Variants in RBFOX1 observed in about 807,000 individuals in gnomAD.
The protein encoded by RBFOX1 is RNA binding fox-1 homolog 1.
A neutral mutation model predicts 57.7 loss-of-function variants in RBFOX1; 8 were observed. The ratio of observed to expected loss-of-function variants is 0.14; its 90% CI spans 0.08 to 0.25. The LOEUF is 0.25. RBFOX1 is among the 10% of genes least tolerant of loss of function. RBFOX1 has a pLI of 1.00. For synonymous variants in RBFOX1, 326 were observed against 222.4 expected (o/e 1.47, Z -4.15); for missense variants, 611 against 548.5 (o/e 1.11, Z -1.14).
At chr16:5,912,616 C>T (rs965251847) in intron 4 of RBFOX1, among the ~76,000 whole-genome samples, 2 of 152,198 alleles carry the variant, frequency 1.3e-5, no homozygotes, top group African/African-American at 4.8e-5. Context: ...GGCAAAACAC[C>T]AGCCACAACC....
intron 3 of RBFOX1, among the ~76,000 whole-genome samples, chr16:6,800,478 G>A (rs1037453101): frequency 6.6e-6 from 1 of 152,054 alleles, no homozygotes; most frequent in African/African-American, 2.4e-5. Context: ...TCTCGGGTGG[G>A]GTCGGAGCAT....
chr16:6,454,667 A>T (rs561879267), intron 2 of RBFOX1, among the ~76,000 whole-genome samples: 5 of 152,106 alleles, frequency 3.3e-5, no homozygotes, highest in Non-Finnish European at 5.9e-5. Context: ...CTTCACCTAC[A>T]TGTGCATTCT....
chr16:6,188,909 G>T (rs1183730500), intron 1 of RBFOX1, among the ~76,000 whole-genome samples: 1 of 152,148 alleles, frequency 6.6e-6, no homozygotes, highest in Non-Finnish European at 1.5e-5. Flanking sequence ...TTTATTAAGA[G>T]ATCTGTAATA....
In RBFOX1 at chr16:7,095,287, A is replaced by G. The variant is rs1057229160; in HGVS notation, c.27+43189A>G. On this transcript the variant is annotated intron_variant, in intron 4 of 15. Transcript: ENST00000550418. ...CAAGTAGCTGAGATTACAGGCTGTC[A>G]CCACTGTGCCTGGTTCATTTTTGTA... is the stretch of plus-strand genomic sequence containing the variant. Among the ~76,000 whole-genome samples the G allele has an allele frequency of 1.1e-4, 16 of 151,874 alleles. 1 individual carries two copies. Among genetic ancestry groups the G allele is most frequent in the African/African-American group, 3.9e-4 (16 of 41,332 alleles).
chr16:5,268,540 C>T (rs1194272183), intron 1 of RBFOX1, among the ~76,000 whole-genome samples: 2 of 152,228 alleles, frequency 1.3e-5, no homozygotes, highest in Non-Finnish European at 2.9e-5. Context: ...TCACCAGGTC[C>T]AATCCACACT....
At chr16:5,551,676 G>A (rs979924554) in intron 2 of RBFOX1, among the ~76,000 whole-genome samples, 2 of 152,052 alleles carry the variant, frequency 1.3e-5, no homozygotes, top group Non-Finnish European at 2.9e-5. Flanking sequence ...TACACGTGCA[G>A]GTTTGTTACA....
At chr16:6,296,677 C>T (rs1028968457) in intron 1 of RBFOX1, among the ~76,000 whole-genome samples, 1 of 152,160 alleles carries the variant, frequency 6.6e-6, no homozygotes, top group African/African-American at 2.4e-5. Context: ...GCCTCGGCCT[C>T]CCAAAGTGCT....
chr16:7,134,961 AAGAG>A (rs1445585187), intron 4 of RBFOX1, among the ~76,000 whole-genome samples: 5 of 151,722 alleles, frequency 3.3e-5, no homozygotes, highest in East Asian at 1.9e-4. Context: ...GCCGCGTTCC[AAGAG>A]AGAGAGATGA....
intron 2 of RBFOX1, among the ~76,000 whole-genome samples, chr16:6,514,086 G>C (rs2153786837): frequency 6.6e-6 from 1 of 152,314 alleles, no homozygotes; most frequent in Middle Eastern, 3.4e-3. Flanking sequence ...TGGTCGTCAA[G>C]AATGAGCTTC....
intron 3 of RBFOX1, among the ~76,000 whole-genome samples, chr16:6,948,930 C>T (rs1349003207): frequency 1.3e-5 from 2 of 152,076 alleles, no homozygotes; most frequent in Admixed American, 6.6e-5. Flanking sequence ...GTGGGTTATA[C>T]CATCCTACGT....
At chr16:6,119,795 T>C (rs886634277) in intron 1 of RBFOX1, among the ~76,000 whole-genome samples, 3 of 152,320 alleles carry the variant, frequency 2.0e-5, no homozygotes, top group East Asian at 3.9e-4. Flanking sequence ...TCTCCATGTC[T>C]GGCCCCATTA....
chr16:7,480,011 G>C (rs1257665120), intron 4 of RBFOX1, among the ~76,000 whole-genome samples: 2 of 152,172 alleles, frequency 1.3e-5, no homozygotes, highest in Non-Finnish European at 2.9e-5. Flanking sequence ...GTTCCAGCCT[G>C]ATGTTCCCCA....
At chr16:5,717,042 C>T (rs1020991574) in intron 3 of RBFOX1, among the ~76,000 whole-genome samples, 2 of 152,084 alleles carry the variant, frequency 1.3e-5, no homozygotes, top group African/African-American at 4.8e-5. Flanking sequence ...CAGTGATTTC[C>T]CCTGTATTTT....
At chr16:5,699,218 C>T (rs901349149) in intron 3 of RBFOX1, among the ~76,000 whole-genome samples, 4 of 152,000 alleles carry the variant, frequency 2.6e-5, no homozygotes, top group Non-Finnish European at 5.9e-5. Context: ...GAATTCCTGA[C>T]CTCGTGATAC....
In RBFOX1 at chr16:6,454,098, GC is replaced by G. The variant is rs149148306; in HGVS notation, c.-64+137042del. On this transcript the variant is annotated intron_variant, in intron 2 of 15. Coordinates refer to ENST00000550418, the MANE Select transcript of RBFOX1 (RefSeq NM_018723.4). ...TTTGTCTCCTCTTCTTGCAAAGGCA[GC>G]AGTCATGTTGGATGAGGGCCCACCC... Among the ~76,000 whole-genome samples the G allele has an allele frequency of 3.5e-3, 535 of 152,280 alleles. 1 individual carries two copies. Among genetic ancestry groups the G allele is most frequent in the Middle Eastern group, 0.024 (7 of 294 alleles).
chr16:5,332,519 G>A (rs755508872), intron 1 of RBFOX1, among the ~76,000 whole-genome samples: 9 of 151,918 alleles, frequency 5.9e-5, no homozygotes, highest in Non-Finnish European at 1.2e-4. Context: ...CTACCTCGGC[G>A]TCCCAAAGTG....
intron 4 of RBFOX1, among the ~76,000 whole-genome samples, chr16:7,362,048 G>A (rs1005329176): frequency 1.7e-4 from 25 of 151,300 alleles, no homozygotes; most frequent in African/African-American, 6.1e-4. Context: ...TAGTGTGTGT[G>A]TTTTGTGTAT....
intron 3 of RBFOX1, among the ~76,000 whole-genome samples, chr16:5,658,106 G>T (rs139977212): frequency 2.0e-5 from 3 of 152,270 alleles, no homozygotes; most frequent in East Asian, 3.9e-4. Context: ...CTGCTCTGTG[G>T]CTACAAGTCA....
chr16:5,744,572 A>G (rs1160546509), intron 3 of RBFOX1, among the ~76,000 whole-genome samples: 1 of 152,140 alleles, frequency 6.6e-6, no homozygotes, highest in African/African-American at 2.4e-5. Context: ...TACAACACAG[A>G]CATTGGCACA....
Sources: allele counts gnomAD v4.1 joint callset (sites outside exome capture counted in the v4.1 genomes callset), GRCh38; gene constraint gnomAD v4.1.1; transcripts MANE v1.5; gene names NCBI Gene and HGNC (gene_info 2026-07-23, HGNC 2026-07-21).